The following IL18RAP variants were observed in gnomAD, a reference collection of about 807,000 sequenced individuals.
The protein encoded by IL18RAP is interleukin-18 receptor accessory protein.
In IL18RAP, 37 loss-of-function variants were observed where a neutral mutation model predicts 58.1. The observed-to-expected ratio is 0.64, with a 90% CI of 0.49 to 0.84. IL18RAP has a LOEUF of 0.84. IL18RAP is among the 40% of genes least tolerant of loss of function. IL18RAP has a pLI of 0.00. For synonymous variants in IL18RAP, 268 were observed against 257.5 expected, an observed-to-expected ratio of 1.04 and a Z score of -0.39; for missense variants, 667 against 704.8, an observed-to-expected ratio of 0.95 and a Z score of 0.61.
Position 102,450,953 on chromosome 2 carries a change from C to T in IL18RAP, c.1316C>T (p.Pro439Leu). ...GAACACTTGGCCCTGAGCCTATTTC[C>T]TGATGTTTTAGAAAACAAATATGGA... The part of the protein sequence containing the change: ...SEEHLALSLF[P>L]DVLENKYGYS... Residue 439 changes from proline (P) to leucine (L), a missense_variant, in exon 9 of 10, where the codon CCT becomes CTT. Coordinates refer to ENST00000687160, the MANE Select transcript of IL18RAP (RefSeq NM_001393487.1). 1.2e-6 allele frequency: 2 copies of T among 1,611,754 alleles called. No individual in the cohort carries two copies. The highest frequency in any genetic ancestry group is 1.7e-6 in the Non-Finnish European group (2 of 1,179,052).
chr2:102,433,666 C>T (rs1037724603), intron 3 of IL18RAP, among the ~76,000 whole-genome samples: 1 of 152,124 alleles, frequency 6.6e-6, no homozygotes, highest in African/African-American at 2.4e-5. Flanking sequence ...ATGCCTCAGC[C>T]TCCCAAGTAG....
Position 102,437,315 on chromosome 2 carries a change from C to A in IL18RAP, c.683C>A (p.Thr228Asn). 1 of 1,613,670 alleles carries A rather than the reference C, an allele frequency of 6.2e-7. No homozygotes were observed. Among genetic ancestry groups the A allele is most frequent in the Non-Finnish European group, 8.5e-7 (1 of 1,179,750 alleles). The change falls in exon 4 of 10, where the codon ACT becomes AAT. Residue 228 changes from threonine (T) to asparagine (N), a missense_variant. Transcript: ENST00000687160. ...GTATGTGATTACACTCAGTCGGATA[C>A]TGTGAGTTCGTGGACAGTCAGAGCT... ...TYVCDYTQSD[T>N]VSSWTVRAVV...
chr2:102,426,074 G>A (rs1337451844), intron 3 of IL18RAP, among the ~76,000 whole-genome samples: 1 of 152,138 alleles, frequency 6.6e-6, no homozygotes, highest in Non-Finnish European at 1.5e-5. Context: ...ACATACACAT[G>A]CATATAAAGG....
intron 3 of IL18RAP, among the ~76,000 whole-genome samples, chr2:102,427,435 T>C (rs1245069161): frequency 2.6e-5 from 4 of 152,286 alleles, no homozygotes; most frequent in South Asian, 4.1e-4. Context: ...TGATATGTCA[T>C]TGTGGTTTCA....
At chr2:102,439,544 C>T (rs9308858) in intron 4 of IL18RAP, 2,844 of 152,360 alleles carry the variant, frequency 0.019, 106 homozygotes, top group African/African-American at 0.064. Flanking sequence ...CATGGTTAAA[C>T]CATGCCTCTG....
At chr2:102,443,850 T>TA (rs1301142331) in intron 6 of IL18RAP, among the ~76,000 whole-genome samples, 1 of 152,196 alleles carries the variant, frequency 6.6e-6, no homozygotes, top group Admixed American at 6.5e-5. Flanking sequence ...TGGGAGCTAT[T>TA]ACATTGTTTG....
intron 3 of IL18RAP, among the ~76,000 whole-genome samples, chr2:102,427,279 T>G (rs11678975): frequency 6.6e-6 from 1 of 151,974 alleles, no homozygotes; most frequent in South Asian, 2.1e-4. Flanking sequence ...AAAAGTGGGA[T>G]TGCTGAATCA....
chr2:102,447,230 C>G (rs762421101), intron 8 of IL18RAP, 23 bp downstream of exon 8: 1 of 1,605,640 alleles, frequency 6.2e-7, no homozygotes, highest in Admixed American at 1.7e-5. Context: ...CCACATGCAG[C>G]CCTCTGACTT....
rs184865761 is a variant in IL18RAP, at chr2:102,433,767, A to G, written c.580-3445A>G. 4.6e-5 allele frequency among the ~76,000 whole-genome samples: 7 copies of G among 151,658 alleles called. No homozygotes were observed. In the East Asian group the frequency reaches 1.4e-3, roughly 30 times the overall value. ...CACCATGTTGGCCAGGCTGGTCTCC[A>G]ACTCCTGACCTCAGGTGATCCACCT... On this transcript the variant is annotated intron_variant, in intron 3 of 9. Coordinates refer to ENST00000687160, the MANE Select transcript of IL18RAP (RefSeq NM_001393487.1).
intron 3 of IL18RAP, among the ~76,000 whole-genome samples, chr2:102,427,516 C>T (rs771484938): frequency 8.5e-5 from 13 of 152,064 alleles, no homozygotes; most frequent in Non-Finnish European, 1.5e-4. Flanking sequence ...TGCATCCTTT[C>T]TTTTGAGAAA....
At chr2:102,428,506 A>G (rs911750154) in intron 3 of IL18RAP, among the ~76,000 whole-genome samples, 1 of 151,520 alleles carries the variant, frequency 6.6e-6, no homozygotes, top group Non-Finnish European at 1.5e-5. Flanking sequence ...TTTTCTGCAG[A>G]CAGTTCATTT....
At chr2:102,422,231 C>CT (rs199951587), upstream of IL18RAP, among the ~76,000 whole-genome samples, 193 of 152,348 alleles carry the variant, frequency 1.3e-3, 5 homozygotes, top group East Asian at 0.016. Context: ...TCCTCTGCAG[C>CT]TTCTGAAACT....
chr2:102,441,200 A>G, intron 4 of IL18RAP, 112 bp from the exon 5 acceptor site: 1 of 749,404 alleles, frequency 1.3e-6, no homozygotes, highest in Non-Finnish European at 2.2e-6. Flanking sequence ...GTAAAATGTG[A>G]AGACAGAGCT....
intron 3 of IL18RAP, among the ~76,000 whole-genome samples, chr2:102,425,142 A>G (rs1681854545): frequency 6.6e-6 from 1 of 152,210 alleles, no homozygotes; most frequent in Non-Finnish European, 1.5e-5. Context: ...AATAGAATCT[A>G]AATCACTTCC....
chr2:102,423,339 A>G lies in IL18RAP; in HGVS notation c.62A>G (p.Asn21Ser). The change falls in exon 1 of 10, where the codon AAT (asparagine) becomes AGT (serine). Residue 21 changes from asparagine to serine, a missense_variant. Asn to Ser is a conservative substitution (Grantham distance 46). Transcript: ENST00000687160. ...GCAGGAGAGCGAATTAAAGGATTTA[A>G]TATTTCAGGTAGGGGTTTTCACTTT... ...LVAGERIKGFNISGCSTKKLL... is the reference protein window; with the variant it reads ...LVAGERIKGFSISGCSTKKLL... 6.2e-7 allele frequency: 1 copy of G among 1,613,898 alleles called. No homozygotes were observed. Among genetic ancestry groups the G allele is most frequent in the South Asian group, 1.1e-5 (1 of 91,084 alleles).
In IL18RAP at chr2:102,424,025, G is replaced by A. The variant is rs374476221; in HGVS notation, c.285G>A (p.Glu95=). ...YQQPSNGDPL[E]DIRKSYPHII... ...AACCTTCGAATGGAGATCCATTAGA[G>A]GACATTAGGAAAAGCTATCCTCACA... The change falls in exon 2 of 10, where the codon GAG becomes GAA. Residue 95 remains glutamate (E), a synonymous_variant. Coordinates refer to ENST00000687160, the MANE Select transcript of IL18RAP (RefSeq NM_001393487.1). 6 of 1,613,866 alleles carry A rather than the reference G, an allele frequency of 3.7e-6. No homozygotes were observed. In the African/African-American group the frequency reaches 6.7e-5, roughly 18 times the overall value.
At chr2:102,434,001 G>T (rs890715343) in intron 3 of IL18RAP, 13 of 152,200 alleles carry the variant, frequency 8.5e-5, no homozygotes, top group African/African-American at 3.1e-4. Context: ...TAGAGAATAA[G>T]TTAATTTAAT....
At chr2:102,448,831 C>T (rs747615396) in intron 8 of IL18RAP, among the ~76,000 whole-genome samples, 8 of 151,926 alleles carry the variant, frequency 5.3e-5, no homozygotes, top group Admixed American at 1.3e-4. Flanking sequence ...CGTGGTGGTA[C>T]CCACCTGTAG....
intron 8 of IL18RAP, among the ~76,000 whole-genome samples, chr2:102,450,024 A>G (rs576023115): frequency 6.6e-6 from 1 of 152,266 alleles, no homozygotes; most frequent in African/African-American, 2.4e-5. Context: ...ACTAAATAGC[A>G]TCAGCAATCA....
Sources: gnomAD v4.1 joint callset for allele counts (sites outside exome capture counted in the v4.1 genomes callset) on GRCh38, gnomAD v4.1.1 for gene constraint, MANE v1.5 for transcripts, NCBI Gene and HGNC (gene_info 2026-07-23, HGNC 2026-07-21) for gene names.